Variants in MUC4 observed in about 807,000 individuals in gnomAD.
MUC4 encodes mucin-4.
A neutral mutation model predicts 257.9 loss-of-function variants in MUC4; 202 were observed. The observed-to-expected ratio is 0.78, with a 90% CI of 0.70 to 0.88. The LOEUF (loss-of-function observed/expected upper bound fraction) is 0.88. Among genes scored for constraint, MUC4 ranks in the 40% least tolerant of loss-of-function variants. The pLI is 0.00. For missense variants in MUC4, 5,976 were observed against 6,513.7 expected (o/e 0.92, Z 2.84); for synonymous variants, 2,351 against 2,757.1 (o/e 0.85, Z 4.62).
Position 195,789,053 on chromosome 3 carries a change from A to G in MUC4, c.2527T>C (p.Ser843Pro). The stretch of plus-strand genomic sequence containing the variant: ...GAGGCGGACAGCAATTCGGTTGTTG[A>G]CTGGGTTGTGTGACTGTCCCTGGAG... Reference protein sequence around the residue: ...NPSRDSHTTQSTTELLSASAS... With the variant: ...NPSRDSHTTQPTTELLSASAS... Residue 843 changes from serine to proline, a missense_variant, in exon 2 of 25, where the codon TCA becomes CCA. By Grantham distance (74) the Ser-to-Pro change is moderately conservative. This residue lies in a region of MUC4 where 1,583 missense variants were observed against 1,257.4 expected (regional missense o/e 1.26). Transcript: ENST00000463781. 6.2e-7 allele frequency: 1 copy of G among 1,613,650 alleles called. No homozygotes were observed. The highest frequency in any genetic ancestry group is 8.5e-7 in the Non-Finnish European group (1 of 1,179,774).
chr3:195,786,727 G>A lies in MUC4; in HGVS notation c.4853C>T (p.Pro1618Leu), dbSNP rs57748294. The change falls in exon 2 of 25, where the codon CCT becomes CTT. Residue 1618 changes from proline to leucine, a missense_variant. Around this residue, in one of 44 missense-constraint regions of MUC4, gnomAD observed 61 missense variants for 100.2 expected, o/e 0.61. Transcript: ENST00000463781. ...SASTGHTTPL[P>L]VTDTSSASTG... ...GGATGCTGAGGAAGTGTCGGTGACAGGAAGAGGGGTGGTGTGACCTGTAGA... is the reference window on the plus strand; with the variant it reads ...GGATGCTGAGGAAGTGTCGGTGACAAGAAGAGGGGTGGTGTGACCTGTAGA... 54,336 of 1,242,488 alleles carry A rather than the reference G, an allele frequency of 0.044. 6,648 individuals are homozygous for A. The highest frequency in any genetic ancestry group is 0.3 in the African/African-American group (13,721 of 45,556). 77.0% of individuals were successfully genotyped at this position (1,242,488 alleles called of 1,614,324 possible).
At chr3:195,773,212 G>A (rs1723515819) in intron 4 of MUC4, among the ~76,000 whole-genome samples, 1 of 143,400 alleles carries the variant, frequency 7.0e-6, no homozygotes, top group South Asian at 2.2e-4. Flanking sequence ...CTTAGGGGGT[G>A]GAAACCTCTC....
Position 195,767,644 on chromosome 3 carries a change from GCCA to G in MUC4, c.13530-896_13530-894del, listed in dbSNP as rs1199351487. Among the ~76,000 whole-genome samples, 78 of 22,750 alleles carry G rather than the reference GCCA, an allele frequency of 3.4e-3. 1 individual carries two copies. The highest frequency in any genetic ancestry group is 0.013 in the Admixed American group (31 of 2,390). 14.9% of individuals were successfully genotyped at this position (22,750 alleles called of 152,430 possible). A position where few individuals can be genotyped will look rare whatever the true frequency, so the allele number is the denominator to read the frequency against. On this transcript the variant is annotated intron_variant, in intron 7 of 24. Coordinates refer to ENST00000463781, the MANE Select transcript of MUC4 (RefSeq NM_018406.7). ...CATCACCACCATCACCACCACCATCGCCACCACCACCACCACCACCATCACCAT... is the reference window on the plus strand; with the variant it reads ...CATCACCACCATCACCACCACCATCGCCACCACCACCACCACCATCACCAT...
rs749929055 is a variant in MUC4 at position 195,766,618 on chromosome 3, C to T, written c.13618+45G>A. 2.6e-5 allele frequency: 41 copies of T among 1,566,746 alleles called. No homozygotes were observed. In the South Asian group the frequency reaches 2.7e-4, roughly 10 times the overall value. ...GATGGTGTATGGGCTGGAGGACACG[C>T]GAGGGCTTGAGACCAGCTCAGGTGT... On this transcript the variant is annotated intron_variant, in intron 8 of 24. Coordinates refer to ENST00000463781, the MANE Select transcript of MUC4 (RefSeq NM_018406.7).
chr3:195,766,097 A>C (rs1006778931), intron 8 of MUC4, among the ~76,000 whole-genome samples: 25 of 152,172 alleles, frequency 1.6e-4, no homozygotes, highest in African/African-American at 6.0e-4. Flanking sequence ...AGTAGCTGGA[A>C]TTACAGGTGT....
rs2246771 is a variant in MUC4, at chr3:195,760,866, A to T, written c.14848+18T>A. 6.2e-7 allele frequency: 1 copy of T among 1,611,602 alleles called. No individual in the cohort carries two copies. Among genetic ancestry groups the T allele is most frequent in the Non-Finnish European group, 8.5e-7 (1 of 1,178,424 alleles). On this transcript the variant is annotated intron_variant, in intron 16 of 24. Coordinates refer to ENST00000463781, the MANE Select transcript of MUC4 (RefSeq NM_018406.7). ...CTCCCGACTCTGAAAAGGCCTCCCC[A>T]GGCCTCGGGCCACTTACTGAGGGTG...
At chr3:195,767,392 A>T (rs1720757065) in intron 7 of MUC4, among the ~76,000 whole-genome samples, 1 of 150,914 alleles carries the variant, frequency 6.6e-6, no homozygotes, top group Admixed American at 6.6e-5. Flanking sequence ...CAGCACTACC[A>T]CCACCACCAC....
intron 8 of MUC4, 34 bp from the exon 9 acceptor site, chr3:195,765,483 C>T (rs1457724308): frequency 6.3e-7 from 1 of 1,591,548 alleles, no homozygotes. Flanking sequence ...AGGGCTTATC[C>T]AGGGCTGGGG....
At position 195,762,619 on chromosome 3, in the gene MUC4, CGGCCCTGCACCGCCACGCACCG is replaced by C. The variant is rs1354091897; in HGVS notation, c.14344+214_14344+235del. Among the ~76,000 whole-genome samples the C allele has an allele frequency of 1.8e-3, 77 of 41,738 alleles. 4 individuals carry two copies. The highest frequency in any genetic ancestry group is 0.01 in the Middle Eastern group (1 of 96). 27.4% of individuals were successfully genotyped at this position (41,738 alleles called of 152,430 possible). On this transcript the variant is annotated intron_variant, in intron 13 of 24. Transcript: ENST00000463781. ...ACCCGGCCCTGCACCGCCACGCACC[CGGCCCTGCACCGCCACGCACCG>C]GGCCCTGCACCGCCACGCACCGGGC...
At chr3:195,794,196 C>G (rs1006948632) in intron 1 of MUC4, among the ~76,000 whole-genome samples, 2 of 151,768 alleles carry the variant, frequency 1.3e-5, no homozygotes, top group Non-Finnish European at 2.9e-5. Context: ...TTCACAGCAC[C>G]TGCACTAGCC....
chr3:195,751,210 C>T lies in MUC4; in HGVS notation c.15644G>A (p.Arg5215Gln), dbSNP rs761452400. The change falls in exon 22 of 25, where the codon CGA becomes CAA. Residue 5215 changes from arginine (R) to glutamine (Q), a missense_variant. This residue lies in a region of MUC4 where 996 missense variants were observed against 1,137.3 expected (regional missense o/e 0.88). Coordinates refer to ENST00000463781, the MANE Select transcript of MUC4 (RefSeq NM_018406.7). ...RAFLRNSQVE[R>Q]IDSAAPASGS... is the part of the protein sequence containing the mutation. ...AGGGGGACACAGTCCCACTTACATT[C>T]GTTCCACTTGGCTGTTGCGGAGAAA... The T allele has an allele frequency of 2.4e-5, 39 of 1,603,286 alleles. No homozygotes were observed. In the Admixed American group the frequency reaches 3.9e-4, roughly 16 times the overall value.
At position 195,763,611 on chromosome 3, in the gene MUC4, G is replaced by T; in HGVS notation, c.14075C>A (p.Thr4692Asn). 6.4e-7 allele frequency: 1 copy of T among 1,557,952 alleles called. No homozygotes were observed. Among genetic ancestry groups the T allele is most frequent in the Non-Finnish European group, 8.7e-7 (1 of 1,146,526 alleles). ...GAAGGTGTAACTGACACCATCCAAGGTGGTGATGTGGGGGTCCCCGAACAT... is the reference window on the plus strand; with the variant it reads ...GAAGGTGTAACTGACACCATCCAAGTTGGTGATGTGGGGGTCCCCGAACAT... Reference protein sequence around the residue: ...AWMFGDPHITTLDGVSYTFNG... With the variant: ...AWMFGDPHITNLDGVSYTFNG... The change falls in exon 12 of 25, where the codon ACC becomes AAC. Residue 4692 changes from threonine to asparagine, a missense_variant. Around this residue, in one of 44 missense-constraint regions of MUC4, gnomAD observed 996 missense variants for 1,137.3 expected, o/e 0.88. Transcript: ENST00000463781.
At position 195,757,117 on chromosome 3, in the gene MUC4, G is replaced by C; in HGVS notation, c.15168+30C>G. 6.3e-7 allele frequency: 1 copy of C among 1,574,854 alleles called. No homozygotes were observed. The highest frequency in any genetic ancestry group is 8.7e-7 in the Non-Finnish European group (1 of 1,151,810). ...TCCCATTTCCTCTCCCCTCGGCACA[G>C]AAACTCCTCCCCCACCTCCCAACAC... is the stretch of plus-strand genomic sequence containing the variant. On this transcript the variant is annotated intron_variant, in intron 18 of 24. Transcript: ENST00000463781. This position sits in a 1 kb window ranked among gnomAD's most constrained non-coding sequence, Gnocchi z 4.8.
Position 195,790,232 on chromosome 3 carries a change from C to T in MUC4, c.1348G>A (p.Ala450Thr). 1 of 1,614,030 alleles carries T rather than the reference C, an allele frequency of 6.2e-7. No homozygotes were observed. Among genetic ancestry groups the T allele is most frequent in the Non-Finnish European group, 8.5e-7 (1 of 1,179,894 alleles). Residue 450 changes from alanine to threonine, a missense_variant, in exon 2 of 25, where the codon GCT (alanine) becomes ACT (threonine). Physicochemically the swap from Ala to Thr is moderately conservative, Grantham distance 58. This residue lies in a region of MUC4 where 1,583 missense variants were observed against 1,257.4 expected (regional missense o/e 1.26). Coordinates refer to ENST00000463781, the MANE Select transcript of MUC4 (RefSeq NM_018406.7). The part of the protein sequence containing the change: ...PSSLPPKIST[A>T]FHTQQSEGAE... Reference sequence around the variant, plus strand: ...CCTTCACTCTGCTGGGTGTGGAAAGCTGTGGATATTTTTGGAGGTAGAGAA... The same window carrying T: ...CCTTCACTCTGCTGGGTGTGGAAAGTTGTGGATATTTTTGGAGGTAGAGAA...
chr3:195,781,261 G>T lies in MUC4; in HGVS notation c.10319C>A (p.Pro3440His). Reference protein sequence around the residue: ...TSSASTGHATPVPVTSTSSAS... With the variant: ...TSSASTGHATHVPVTSTSSAS... ...TGAGGAAGTGCTGGTGACAGGAACA[G>T]GGGTGGCGTGACCGGTGGATGCTGA... The change falls in exon 2 of 25, where the codon CCT (proline) becomes CAT (histidine). Residue 3440 changes from proline to histidine, a missense_variant. By Grantham distance (77) the Pro-to-His change is moderately conservative. This residue lies in a region of MUC4 where 297 missense variants were observed against 240.9 expected (regional missense o/e 1.23). Transcript: ENST00000463781. The T allele has an allele frequency of 5.3e-6, 8 of 1,499,932 alleles. No individual in the cohort carries two copies. Among genetic ancestry groups the T allele is most frequent in the South Asian group, 1.2e-5 (1 of 81,054 alleles). The allele number at this position is 1,499,932 out of a possible 1,614,324, so 92.9% of individuals were successfully genotyped here.
chr3:195,766,561 CGTGATGTTA>C, intron 8 of MUC4, 93 bp downstream of exon 8: 2 of 1,036,544 alleles, frequency 1.9e-6, no homozygotes, highest in South Asian at 2.8e-5. Flanking sequence ...TCAGGATGGC[CGTGATGTTA>C]GGGAGGTGCC....
chr3:195,762,057 G>T (rs1719085351), intron 14 of MUC4, 30 bp downstream of exon 14: 2 of 1,562,306 alleles, frequency 1.3e-6, no homozygotes, highest in African/African-American at 2.7e-5. Flanking sequence ...GCTCCGCGGA[G>T]CCTCAGAGGC....
Position 195,795,587 on chromosome 3 carries a change from T to A in MUC4, c.83-4090A>T, listed in dbSNP as rs141150070. 6.5e-4 allele frequency among the ~76,000 whole-genome samples: 99 copies of A among 152,184 alleles called. 1 individual carries two copies. Among genetic ancestry groups the A allele is most frequent in the African/African-American group, 2.3e-3 (97 of 41,502 alleles). ...TGAGTCAATGCCCTTGGAAATGTGCTGACTGAAAGGCTGAAAAAGGAAAGG... is the reference window on the plus strand; with the variant it reads ...TGAGTCAATGCCCTTGGAAATGTGCAGACTGAAAGGCTGAAAAAGGAAAGG... On this transcript the variant is annotated intron_variant, in intron 1 of 24. Transcript: ENST00000463781.
chr3:195,797,991 CACAT>C (rs1163679573), intron 1 of MUC4, among the ~76,000 whole-genome samples: 1 of 152,026 alleles, frequency 6.6e-6, no homozygotes, highest in Non-Finnish European at 1.5e-5. Flanking sequence ...TAGTAGCACA[CACAT>C]ATAGTTCCAG....
Sources: gnomAD v4.1 joint callset for allele counts (sites outside exome capture counted in the v4.1 genomes callset) on GRCh38, gnomAD v4.1.1 for gene constraint, gnomAD v4.1.1 regional missense constraint, Gnocchi (gnomAD v3.1) non-coding constraint, MANE v1.5 for transcripts, NCBI Gene and HGNC (gene_info 2026-07-23, HGNC 2026-07-21) for gene names.